Variants in GALNT13 observed in about 807,000 individuals in gnomAD.
GALNT13 encodes the protein UDP-GalNAc:polypeptide N-acetylgalactosaminyltransferase 13.
Under a neutral mutation model 64.2 loss-of-function variants are expected in GALNT13, and 28 were observed. That is an observed-to-expected ratio of 0.44 (90% confidence interval 0.32 to 0.60). GALNT13 has a LOEUF of 0.60. Among genes scored for constraint, GALNT13 ranks in the 20% least tolerant of loss-of-function variants. The pLI, the probability that GALNT13 is intolerant of heterozygous loss-of-function variation, is 0.05. For synonymous variants in GALNT13, 214 were observed against 224.6 expected (o/e 0.95, Z 0.42); for missense variants, 577 against 669.8 (o/e 0.86, Z 1.53).
At chr2:153,496,671 G>A in the GALNT13 span, among the ~76,000 whole-genome samples, 3 of 152,174 alleles carry the variant, frequency 2.0e-5, no homozygotes, top group East Asian at 5.8e-4. Context: ...CCTGTTAGGT[G>A]GGAAACCACT....
chr2:154,357,067 T>G (rs1696792747), intron 9 of GALNT13, among the ~76,000 whole-genome samples: 1 of 152,068 alleles, frequency 6.6e-6, no homozygotes, highest in Non-Finnish European at 1.5e-5. Context: ...TGGTATTACA[T>G]GAACTAGAAG....
chr2:154,312,783 A>T (rs1694117639), intron 9 of GALNT13, among the ~76,000 whole-genome samples: 1 of 152,140 alleles, frequency 6.6e-6, no homozygotes, highest in African/African-American at 2.4e-5. Flanking sequence ...TAGTAAAGTC[A>T]GTGGTCTCTC....
the GALNT13 span, among the ~76,000 whole-genome samples, chr2:153,301,330 A>G: frequency 1.3e-5 from 2 of 150,112 alleles, no homozygotes; most frequent in African/African-American, 4.9e-5. Flanking sequence ...AAAAAAAAAA[A>G]GAGTCTGCAG....
chr2:154,022,252 TGATTG>T (rs1244976681), intron 3 of GALNT13, among the ~76,000 whole-genome samples: 1 of 152,212 alleles, frequency 6.6e-6, no homozygotes, highest in Non-Finnish European at 1.5e-5. Context: ...CTTTTTCTAT[TGATTG>T]GAGTAGTTTC....
chr2:154,256,904 A>G (rs940841773), intron 7 of GALNT13, among the ~76,000 whole-genome samples: 1 of 152,142 alleles, frequency 6.6e-6, no homozygotes, highest in African/African-American at 2.4e-5. Flanking sequence ...CATTTTCTAG[A>G]TGCTCTGAAC....
chr2:154,245,722 T>C (rs939729177), intron 6 of GALNT13, 90 bp from the exon 7 acceptor site: 14 of 802,908 alleles, frequency 1.7e-5, no homozygotes, highest in Non-Finnish European at 2.6e-5. Context: ...AATAATTAAA[T>C]TTCCTCATAT....
At chr2:153,880,380 T>C (rs894238) in intron 1 of GALNT13, among the ~76,000 whole-genome samples, 1 of 152,302 alleles carries the variant, frequency 6.6e-6, no homozygotes, top group Admixed American at 6.5e-5. Flanking sequence ...TTTTTTAAAA[T>C]GAATTTTATT....
At chr2:154,424,628 A>G (rs1041574864) in intron 11 of GALNT13, among the ~76,000 whole-genome samples, 4 of 152,164 alleles carry the variant, frequency 2.6e-5, no homozygotes, top group African/African-American at 9.6e-5. Flanking sequence ...CAGATGATGT[A>G]TAAATATCTC....
chr2:153,519,191 C>T, the GALNT13 span, among the ~76,000 whole-genome samples: 3 of 151,996 alleles, frequency 2.0e-5, no homozygotes, highest in African/African-American at 7.2e-5. Context: ...ACTGTAAAAT[C>T]GATATTTTCC....
chr2:154,426,322 G>A (rs1208595682), intron 11 of GALNT13, among the ~76,000 whole-genome samples: 1 of 152,192 alleles, frequency 6.6e-6, no homozygotes, highest in Non-Finnish European at 1.5e-5. Context: ...AGGCCAGCAG[G>A]AGAGTCCCTC....
the GALNT13 span, among the ~76,000 whole-genome samples, chr2:153,676,594 T>C: frequency 6.6e-6 from 1 of 152,088 alleles, no homozygotes; most frequent in Non-Finnish European, 1.5e-5. Context: ...CTGATAAACA[T>C]AGAGGCAAAA....
chr2:153,096,845 G>C, the GALNT13 span, among the ~76,000 whole-genome samples: 2 of 152,038 alleles, frequency 1.3e-5, no homozygotes, highest in Non-Finnish European at 2.9e-5. Context: ...TGATTGTAAA[G>C]TTTAGTTCAT....
the GALNT13 span, among the ~76,000 whole-genome samples, chr2:153,170,589 G>T: frequency 1.3e-5 from 2 of 152,228 alleles, no homozygotes; most frequent in African/African-American, 2.4e-5. Flanking sequence ...AGAAAAAATA[G>T]TGTCTCATTG....
intron 3 of GALNT13, among the ~76,000 whole-genome samples, chr2:154,030,892 T>C (rs1380418826): frequency 5.9e-5 from 9 of 152,146 alleles, no homozygotes. Flanking sequence ...TTAACCCTCT[T>C]TTCTTCATAA....
At chr2:153,760,321 G>T in the GALNT13 span, among the ~76,000 whole-genome samples, 1 of 150,530 alleles carries the variant, frequency 6.6e-6, no homozygotes, top group African/African-American at 2.4e-5. Flanking sequence ...TCTAACTTTG[G>T]GCTTAATTTT....
the GALNT13 span, among the ~76,000 whole-genome samples, chr2:153,315,334 T>C: frequency 6.6e-6 from 1 of 152,198 alleles, no homozygotes; most frequent in Non-Finnish European, 1.5e-5. Flanking sequence ...TGACTTCTCA[T>C]TGTGTTCACA....
chr2:153,511,583 G>A, the GALNT13 span, among the ~76,000 whole-genome samples: 1 of 152,164 alleles, frequency 6.6e-6, no homozygotes, highest in Non-Finnish European at 1.5e-5. Context: ...ACCACAGGAG[G>A]TTAGTGTTCA....
At chr2:153,575,198 G>T in the GALNT13 span, among the ~76,000 whole-genome samples, 1 of 152,096 alleles carries the variant, frequency 6.6e-6, no homozygotes, top group Non-Finnish European at 1.5e-5. Context: ...TTCTCTTTCT[G>T]TGCTTTCTGC....
At chr2:153,146,439 C>A in the GALNT13 span, among the ~76,000 whole-genome samples, 26 of 151,890 alleles carry the variant, frequency 1.7e-4, no homozygotes, top group African/African-American at 4.8e-4. Context: ...TCCTAAGAGC[C>A]CCGAAAGTCA....
Sources: allele counts gnomAD v4.1 joint callset (sites outside exome capture counted in the v4.1 genomes callset), GRCh38; gene constraint gnomAD v4.1.1; transcripts MANE v1.5; gene names NCBI Gene and HGNC (gene_info 2026-07-23, HGNC 2026-07-21).